The following ITSN2 variants were observed in gnomAD, a reference collection of about 807,000 sequenced individuals.
ITSN2 encodes intersectin 2, also known as intersectin-2.
Under a neutral mutation model 243.7 loss-of-function variants are expected in ITSN2, and 156 were observed. The observed-to-expected ratio is 0.64, with a 90% CI of 0.56 to 0.73. The LOEUF (loss-of-function observed/expected upper bound fraction) is 0.73. ITSN2 is among the 30% of genes least tolerant of loss of function. The probability of loss-of-function intolerance (pLI) is 0.00; values close to 1 mark genes in which losing one functional copy is unlikely to be tolerated. For synonymous variants in ITSN2, 703 were observed against 699.9 expected (o/e 1.00, Z -0.07); for missense variants, 1,801 against 1,996.1 (o/e 0.90, Z 1.86).
At position 24,312,286 on chromosome 2, in the gene ITSN2, T is replaced by C; in HGVS notation, c.278A>G (p.Gln93Arg). ...AGGAGGGAGAACCACAGGCAACTGTTGGCCTTGAAGCTTCAGTTTGATGAG... is the reference window on the plus strand; with the variant it reads ...AGGAGGGAGAACCACAGGCAACTGTCGGCCTTGAAGCTTCAGTTTGATGAG... Reference protein sequence around the residue: ...MKLIKLKLQGQQLPVVLPPIM... With the variant: ...MKLIKLKLQGRQLPVVLPPIM... Residue 93 changes from glutamine (Q) to arginine (R), a missense_variant, in exon 5 of 40, where the codon CAA becomes CGA. Transcript: ENST00000355123. The C allele has an allele frequency of 1.2e-6, 2 of 1,613,794 alleles. No homozygotes were observed. Among genetic ancestry groups the C allele is most frequent in the Admixed American group, 1.7e-5 (1 of 60,002 alleles).
chr2:24,230,277 G>T (rs1379604739), intron 29 of ITSN2, among the ~76,000 whole-genome samples: 1 of 152,056 alleles, frequency 6.6e-6, no homozygotes, highest in Non-Finnish European at 1.5e-5. Flanking sequence ...TCCACCTGTG[G>T]GATCCCTCTT....
chr2:24,269,398 A>G (rs1677079570), intron 20 of ITSN2, among the ~76,000 whole-genome samples: 1 of 152,194 alleles, frequency 6.6e-6, no homozygotes, highest in Non-Finnish European at 1.5e-5. Flanking sequence ...AGGAAATGAC[A>G]CCATCATTAA....
At chr2:24,213,525 C>T (rs1290852166) in intron 32 of ITSN2, among the ~76,000 whole-genome samples, 1 of 152,188 alleles carries the variant, frequency 6.6e-6, no homozygotes, top group African/African-American at 2.4e-5. Context: ...ATATAGGTTG[C>T]TGTCACAAGC....
chr2:24,238,937 GT>G (rs1209558957), intron 29 of ITSN2: 1 of 152,084 alleles, frequency 6.6e-6, no homozygotes, highest in African/African-American at 2.4e-5. Context: ...AACTAATATA[GT>G]TTGTGTTCTT....
chr2:24,220,843 C>A, intron 30 of ITSN2, 102 bp downstream of exon 30: 2 of 1,469,928 alleles, frequency 1.4e-6, no homozygotes, highest in Non-Finnish European at 1.8e-6. Context: ...AAAGTGATGC[C>A]TTGCTTTGAC....
intron 29 of ITSN2, among the ~76,000 whole-genome samples, chr2:24,223,623 T>C (rs1670683993): frequency 1.3e-5 from 2 of 150,280 alleles, no homozygotes; most frequent in African/African-American, 4.9e-5. Context: ...GAGTTCAAGT[T>C]TGCAGTGAGC....
At chr2:24,218,045 T>G (rs557363516) in intron 30 of ITSN2, 32 bp from the exon 31 acceptor site, 1 of 1,471,852 alleles carries the variant, frequency 6.8e-7, no homozygotes, top group Non-Finnish European at 9.5e-7. Context: ...ACTAGTTAGC[T>G]TAAGTGTGGA....
intron 29 of ITSN2, among the ~76,000 whole-genome samples, chr2:24,231,982 A>C (rs575006342): frequency 6.6e-6 from 1 of 152,336 alleles, no homozygotes; most frequent in South Asian, 2.1e-4. Context: ...TTTTTATTGA[A>C]GTTTTATCAG....
intron 35 of ITSN2, 118 bp downstream of exon 35, chr2:24,209,700 T>C: frequency 1.3e-6 from 1 of 767,846 alleles, no homozygotes; most frequent in Non-Finnish European, 2.2e-6. Flanking sequence ...GCACGAGCGA[T>C]CTGGAACCAG....
chr2:24,319,990 C>T (rs923694027), intron 2 of ITSN2, among the ~76,000 whole-genome samples: 6 of 152,126 alleles, frequency 3.9e-5, no homozygotes, highest in African/African-American at 1.4e-4. Flanking sequence ...CCTAGATTTT[C>T]TTTTTTTGCA....
At chr2:24,301,045 A>T (rs1681657473) in intron 11 of ITSN2, 109 bp downstream of exon 11, 2 of 597,678 alleles carry the variant, frequency 3.3e-6, no homozygotes, top group Admixed American at 3.1e-5. Context: ...TTTTTCTCAT[A>T]TAGCACATCA....
chr2:24,220,554 T>C, intron 30 of ITSN2: 1 of 1,037,734 alleles, frequency 9.6e-7, no homozygotes, highest in Non-Finnish European at 1.2e-6. Context: ...TTTATGAAAA[T>C]GTCAGATGTT....
At chr2:24,311,062 TAC>T (rs71397421) in intron 5 of ITSN2, among the ~76,000 whole-genome samples, 201 of 147,568 alleles carry the variant, frequency 1.4e-3, no homozygotes, top group Middle Eastern at 3.5e-3. Context: ...ACTTGACTAA[TAC>T]ACACACACAC....
chr2:24,310,752 A>T, intron 5 of ITSN2, 60 bp from the exon 6 acceptor site: 1 of 1,421,076 alleles, frequency 7.0e-7, no homozygotes, highest in Non-Finnish European at 9.8e-7. Context: ...AACACATGCA[A>T]AAAACAAGTT....
In ITSN2 at chr2:24,205,288, T is replaced by C. The variant is rs1250155634; in HGVS notation, c.4688A>G (p.Gln1563Arg). 6.2e-7 allele frequency: 1 copy of C among 1,613,704 alleles called. No homozygotes were observed. The highest frequency in any genetic ancestry group is 2.2e-5 in the East Asian group (1 of 44,888). ...CAGGCGCCCAATGCCTGAAGTCTTT[T>C]GGGAGCGGGCTACAAAAGAGGAAGA... ...KREKAYQARS[Q>R]KTSGIGRLMV... The change falls in exon 38 of 40, where the codon CAA becomes CGA. Residue 1563 changes from glutamine (Q) to arginine (R), a missense_variant. Gln to Arg is a conservative substitution (Grantham distance 43). This residue lies in a region of ITSN2 where 928 missense variants were observed against 1,065.4 expected (regional missense o/e 0.87). Coordinates refer to ENST00000355123, the MANE Select transcript of ITSN2 (RefSeq NM_006277.3).
chr2:24,316,325 G>C (rs1163598020), intron 2 of ITSN2, among the ~76,000 whole-genome samples: 2 of 152,122 alleles, frequency 1.3e-5, no homozygotes, highest in Non-Finnish European at 2.9e-5. Flanking sequence ...TCTGTCACCA[G>C]GCTGGAGAGC....
rs1669445936 is a variant in ITSN2, at chr2:24,211,053, T to G, written c.4090-106A>C. 9.1e-7 allele frequency: 1 copy of G among 1,096,450 alleles called. No individual in the cohort carries two copies. Among genetic ancestry groups the G allele is most frequent in the Non-Finnish European group, 1.3e-6 (1 of 753,190 alleles). 67.9% of individuals were successfully genotyped at this position (1,096,450 alleles called of 1,614,324 possible). ...AACCCCATGTTATGGACTGCTTCCA[T>G]GCCCTGGAAACGCGGCGGTGAACAA... On this transcript the variant is annotated intron_variant, in intron 33 of 39. Coordinates refer to ENST00000355123, the MANE Select transcript of ITSN2 (RefSeq NM_006277.3). This position sits in a 1 kb window ranked among gnomAD's most constrained non-coding sequence, Gnocchi z 4.1.
At chr2:24,275,901 T>C in intron 17 of ITSN2, 52 bp from the exon 18 acceptor site, 1 of 1,336,728 alleles carries the variant, frequency 7.5e-7, no homozygotes, top group Non-Finnish European at 1.0e-6. Context: ...AATATGCTTG[T>C]CATATGTATT....
At chr2:24,323,668 C>T (rs953897491) in intron 2 of ITSN2, among the ~76,000 whole-genome samples, 9 of 152,192 alleles carry the variant, frequency 5.9e-5, no homozygotes, top group Admixed American at 3.9e-4. Context: ...AGAAACTCAT[C>T]GAACCGTATA....
Sources: gnomAD v4.1 joint callset for allele counts (sites outside exome capture counted in the v4.1 genomes callset) on GRCh38, gnomAD v4.1.1 for gene constraint, gnomAD v4.1.1 regional missense constraint, Gnocchi (gnomAD v3.1) non-coding constraint, MANE v1.5 for transcripts, NCBI Gene and HGNC (gene_info 2026-07-23, HGNC 2026-07-21) for gene names.